Variants in PCDH15 observed in about 807,000 individuals in gnomAD.
PCDH15 encodes the protein protocadherin related 15.
Under a neutral mutation model 178.5 loss-of-function variants are expected in PCDH15, and 129 were observed. The observed-to-expected ratio is 0.72, with a 90% CI of 0.63 to 0.84. The LOEUF (loss-of-function observed/expected upper bound fraction) is 0.84, where lower values mean the gene tolerates loss of function less well. Among genes scored for constraint, PCDH15 ranks in the 40% least tolerant of loss-of-function variants. The pLI is 0.00. For synonymous variants in PCDH15, 800 were observed against 732.0 expected (o/e 1.09, Z -1.50); for missense variants, 2,230 against 2,099.9 (o/e 1.06, Z -1.21).
chr10:54,330,189 C>T (rs1444447284), intron 6 of PCDH15, among the ~76,000 whole-genome samples: 2 of 151,472 alleles, frequency 1.3e-5, no homozygotes, highest in African/African-American at 4.8e-5. Flanking sequence ...AATACAGTTA[C>T]GAGTCACTTA....
intron 26 of PCDH15, among the ~76,000 whole-genome samples, chr10:53,894,017 T>G (rs1315707932): frequency 1.3e-5 from 2 of 151,846 alleles, no homozygotes; most frequent in African/African-American, 4.8e-5. Flanking sequence ...GTCAGGGGGG[T>G]TTGTTGTACC....
At chr10:54,337,731 A>G (rs894698408) in intron 6 of PCDH15, among the ~76,000 whole-genome samples, 1 of 152,188 alleles carries the variant, frequency 6.6e-6, no homozygotes, top group Admixed American at 6.5e-5. Context: ...TCAACCAATC[A>G]GAGCTCACCT....
chr10:53,971,945 T>G (rs1355617831), intron 21 of PCDH15, among the ~76,000 whole-genome samples: 4 of 121,112 alleles, frequency 3.3e-5, no homozygotes, highest in East Asian at 2.8e-4. Context: ...CTACTTTAAA[T>G]TTCATATGGA....
At chr10:54,132,188 C>T (rs1442510469) in intron 15 of PCDH15, among the ~76,000 whole-genome samples, 2 of 152,124 alleles carry the variant, frequency 1.3e-5, no homozygotes, top group Non-Finnish European at 2.9e-5. Flanking sequence ...AATATATCAA[C>T]ACCGTATTTA....
rs1564922643 is a variant in PCDH15 at position 54,307,094 on chromosome 10, GTGTGTGTGTGTA to G, written c.876+10165_876+10176del. ...TATATATATATACATATATATATAT[GTGTGTGTGTGTA>G]TATATATATATATATATATATATAT... On this transcript the variant is annotated intron_variant, in intron 8 of 37. Transcript: ENST00000644397. Among the ~76,000 whole-genome samples, 57 of 8,174 alleles carry G rather than the reference GTGTGTGTGTGTA, an allele frequency of 7.0e-3. 4 individuals are homozygous for G. Among genetic ancestry groups the G allele is most frequent in the African/African-American group, 0.022 (43 of 1,996 alleles). 5.4% of individuals were successfully genotyped at this position (8,174 alleles called of 152,430 possible).
chr10:54,947,459 T>C (rs960528244), intron 2 of PCDH15, among the ~76,000 whole-genome samples: 6 of 151,934 alleles, frequency 3.9e-5, no homozygotes, highest in Non-Finnish European at 8.8e-5. Flanking sequence ...TTTTACATCG[T>C]TATCCCATTT....
chr10:53,853,412 G>C (rs1201418869), intron 28 of PCDH15, among the ~76,000 whole-genome samples: 1 of 151,188 alleles, frequency 6.6e-6, no homozygotes, highest in African/African-American at 2.5e-5. Context: ...AGCAAAAATA[G>C]ACAGATGGAC....
chr10:55,586,019 A>C (rs10509035), intron 2 of PCDH15, among the ~76,000 whole-genome samples: 48,847 of 151,836 alleles, frequency 0.32, 8,398 homozygotes, highest in East Asian at 0.49. Flanking sequence ...ATTCAGCCTA[A>C]TCTGTTTGGA....
intron 13 of PCDH15, among the ~76,000 whole-genome samples, chr10:54,170,484 A>C (rs961333357): frequency 6.6e-6 from 1 of 151,760 alleles, no homozygotes; most frequent in African/African-American, 2.4e-5. Context: ...AGTTCTCATA[A>C]CTTCCAAAAC....
At chr10:54,834,357 T>G (rs1359832363) in intron 3 of PCDH15, among the ~76,000 whole-genome samples, 4 of 151,958 alleles carry the variant, frequency 2.6e-5, no homozygotes, top group Non-Finnish European at 5.9e-5. Context: ...TTTTGTATTT[T>G]TAGTAGAGAC....
At chr10:54,503,718 C>T (rs1280761934) in intron 3 of PCDH15, among the ~76,000 whole-genome samples, 1 of 151,884 alleles carries the variant, frequency 6.6e-6, no homozygotes, top group African/African-American at 2.4e-5. Flanking sequence ...AAAGTTAACC[C>T]CTTCTTTTAT....
intron 2 of PCDH15, among the ~76,000 whole-genome samples, chr10:55,357,237 T>C (rs1845102536): frequency 1.3e-5 from 2 of 151,974 alleles, no homozygotes; most frequent in Non-Finnish European, 1.5e-5. Context: ...TAATCTTATC[T>C]ATGAAACATA....
In PCDH15 at chr10:53,823,037, C is replaced by CAGAG. The variant is rs1346160987; in HGVS notation, c.4368-2811_4368-2808dup. The CAGAG allele has an allele frequency of 1.2e-6, 2 of 1,614,046 alleles. No homozygotes were observed. Among genetic ancestry groups the CAGAG allele is most frequent in the Non-Finnish European group, 1.7e-6 (2 of 1,179,972 alleles). ...TCTGAATCTTTTCTCTTGGGCCCCT[C>CAGAG]AGAGACTTACTCTTGGCTTGTATTT... On this transcript the variant is annotated intron_variant, in intron 32 of 37. Coordinates refer to ENST00000644397, the MANE Select transcript of PCDH15 (RefSeq NM_001384140.1).
intron 3 of PCDH15, among the ~76,000 whole-genome samples, chr10:54,871,651 A>G (rs1224420291): frequency 2.6e-5 from 4 of 152,066 alleles, no homozygotes; most frequent in Non-Finnish European, 5.9e-5. Flanking sequence ...TTGATTATTA[A>G]TCAATCTATT....
intron 2 of PCDH15, among the ~76,000 whole-genome samples, chr10:55,600,781 C>T (rs1264001805): frequency 6.6e-6 from 1 of 152,066 alleles, no homozygotes; most frequent in Admixed American, 6.6e-5. Context: ...TTACTGAGTG[C>T]TATTGTAGAA....
intron 3 of PCDH15, among the ~76,000 whole-genome samples, chr10:54,883,815 T>C (rs1954305398): frequency 6.6e-6 from 1 of 152,056 alleles, no homozygotes; most frequent in African/African-American, 2.4e-5. Flanking sequence ...ATAAAATTGA[T>C]TGCCAGTTTT....
chr10:54,022,819 AT>A, intron 19 of PCDH15, 72 bp downstream of exon 19: 2 of 1,479,052 alleles, frequency 1.4e-6, no homozygotes, highest in Non-Finnish European at 9.5e-7. Context: ...TTACTTGCTA[AT>A]TTTGGCACAC....
intron 3 of PCDH15, among the ~76,000 whole-genome samples, chr10:54,433,051 T>C (rs1162303921): frequency 6.6e-6 from 1 of 151,932 alleles, no homozygotes; most frequent in Non-Finnish European, 1.5e-5. Context: ...AATAGTTTTA[T>C]CCAAAAAACA....
chr10:53,926,153 C>T (rs1474977388), intron 25 of PCDH15, among the ~76,000 whole-genome samples: 1 of 152,152 alleles, frequency 6.6e-6, no homozygotes, highest in East Asian at 1.9e-4. Context: ...CTCACTGGCC[C>T]AATCCTAGTT....
Sources: allele counts gnomAD v4.1 joint callset (sites outside exome capture counted in the v4.1 genomes callset), GRCh38; gene constraint gnomAD v4.1.1; transcripts MANE v1.5; gene names NCBI Gene and HGNC (gene_info 2026-07-23, HGNC 2026-07-21).